The following HS3ST5 variants were observed in gnomAD, a reference collection of about 807,000 sequenced individuals.
The protein encoded by HS3ST5 is heparan sulfate-glucosamine 3-sulfotransferase 5, also known as heparan sulfate glucosamine 3-O-sulfotransferase 5.
In HS3ST5, 10 loss-of-function variants were observed where a neutral mutation model predicts 25.4. That is an observed-to-expected ratio of 0.39 (90% CI 0.24 to 0.67). HS3ST5 has a LOEUF of 0.67. HS3ST5 is among the 30% of genes least tolerant of loss of function. The pLI, the probability that HS3ST5 is intolerant of heterozygous loss-of-function variation, is 0.44. For synonymous variants in HS3ST5, 170 were observed against 162.4 expected (o/e 1.05, Z -0.36); for missense variants, 324 against 420.7 (o/e 0.77, Z 2.01).
At chr6:114,112,289 C>T (rs1444923607) in intron 3 of HS3ST5, 1 of 152,210 alleles carries the variant, frequency 6.6e-6, no homozygotes, top group Non-Finnish European at 1.5e-5. Context: ...TCATGGGAGG[C>T]AGAGGAGGGA....
At chr6:114,119,612 A>G (rs1314116110) in intron 3 of HS3ST5, among the ~76,000 whole-genome samples, 1 of 152,218 alleles carries the variant, frequency 6.6e-6, no homozygotes, top group Non-Finnish European at 1.5e-5. Flanking sequence ...TAGAGAAGAG[A>G]TATTTGTGAT....
intron 1 of HS3ST5, among the ~76,000 whole-genome samples, chr6:114,295,617 C>A (rs1774783906): frequency 6.6e-6 from 1 of 152,188 alleles, no homozygotes; most frequent in Admixed American, 6.5e-5. Flanking sequence ...GACCACAAAT[C>A]TCCTAATATC....
At chr6:114,236,424 T>A (rs1348926324) in intron 1 of HS3ST5, among the ~76,000 whole-genome samples, 1 of 152,246 alleles carries the variant, frequency 6.6e-6, no homozygotes, top group East Asian at 1.9e-4. Flanking sequence ...AATATCCTCA[T>A]ACTTATATGT....
chr6:114,058,090 C>T lies in HS3ST5; in HGVS notation c.208G>A (p.Glu70Lys), dbSNP rs1582548226. ...TTGGAAGCGTTGCCCTTCCGGAACT[C>T]GTGCAGCAGGCCACGCTTAAACTGC... is the stretch of plus-strand genomic sequence containing the variant. Reference protein sequence around the residue: ...ALQFKRGLLHEFRKGNASKEQ... With the variant: ...ALQFKRGLLHKFRKGNASKEQ... The change falls in exon 5 of 5, where the codon GAG (glutamate) becomes AAG (lysine). Residue 70 changes from glutamate (E) to lysine (K), a missense_variant. Around this residue, in one of 2 missense-constraint regions of HS3ST5, gnomAD observed 121 missense variants for 117.3 expected, o/e 1.03. Coordinates refer to ENST00000312719, the MANE Select transcript of HS3ST5 (RefSeq NM_153612.4). 4 of 1,614,194 alleles carry T rather than the reference C, an allele frequency of 2.5e-6. No individual in the cohort carries two copies. Among genetic ancestry groups the T allele is most frequent in the Non-Finnish European group, 3.4e-6 (4 of 1,180,034 alleles).
At chr6:114,194,150 C>T (rs1371718705) in intron 2 of HS3ST5, among the ~76,000 whole-genome samples, 3 of 152,118 alleles carry the variant, frequency 2.0e-5, no homozygotes, top group Non-Finnish European at 4.4e-5. Flanking sequence ...GAAATCAATC[C>T]TCTAATTTCA....
At chr6:114,268,191 AT>A (rs1364697722) in intron 1 of HS3ST5, among the ~76,000 whole-genome samples, 7 of 152,136 alleles carry the variant, frequency 4.6e-5, no homozygotes, top group Non-Finnish European at 1.5e-5. Flanking sequence ...CATTGCCACC[AT>A]TTGTGCAGTT....
intron 3 of HS3ST5, among the ~76,000 whole-genome samples, chr6:114,086,013 T>G (rs1774796723): frequency 6.6e-6 from 1 of 150,492 alleles, no homozygotes; most frequent in Non-Finnish European, 1.5e-5. Flanking sequence ...AGATTTTATT[T>G]TGTTTTTGTT....
chr6:114,230,752 A>G (rs1771547519), intron 1 of HS3ST5, among the ~76,000 whole-genome samples: 1 of 149,324 alleles, frequency 6.7e-6, no homozygotes, highest in Non-Finnish European at 1.5e-5. Flanking sequence ...ACACCCTGCT[A>G]TTTTTTTTTG....
At chr6:114,238,629 G>A (rs1303142548) in intron 1 of HS3ST5, among the ~76,000 whole-genome samples, 1 of 152,100 alleles carries the variant, frequency 6.6e-6, no homozygotes, top group East Asian at 1.9e-4. Flanking sequence ...GAAGGTTTAA[G>A]AAAGTGTAAA....
intron 3 of HS3ST5, among the ~76,000 whole-genome samples, chr6:114,151,737 C>G (rs1778459378): frequency 6.6e-6 from 1 of 152,028 alleles, no homozygotes; most frequent in Non-Finnish European, 1.5e-5. Flanking sequence ...AGAAGACACT[C>G]CCAAATTATG....
rs1973729 is a variant in HS3ST5, at chr6:114,230,668, C to T, written c.-338-1890G>A. 3.5e-3 allele frequency among the ~76,000 whole-genome samples: 524 copies of T among 149,662 alleles called. 6 individuals are homozygous for T. The highest frequency in any genetic ancestry group is 0.012 in the African/African-American group (496 of 40,710). ...ATGGCATGATCTCGGCTCACTGCAACCCCCCATCTTCTGGGTTCAAGTGTT... is the reference window on the plus strand; with the variant it reads ...ATGGCATGATCTCGGCTCACTGCAATCCCCCATCTTCTGGGTTCAAGTGTT... On this transcript the variant is annotated intron_variant, in intron 1 of 4. Transcript: ENST00000312719.
intron 1 of HS3ST5, among the ~76,000 whole-genome samples, chr6:114,286,745 A>C (rs560645886): frequency 1.3e-5 from 2 of 152,094 alleles, no homozygotes; most frequent in East Asian, 3.9e-4. Context: ...GGTTCATTTT[A>C]CATTAGAACG....
chr6:114,131,225 G>A (rs192781863), intron 3 of HS3ST5: 3 of 151,960 alleles, frequency 2.0e-5, no homozygotes, highest in African/African-American at 7.2e-5. Context: ...GCAATCTAAT[G>A]CAAATATCTA....
chr6:114,280,886 G>T (rs1774076652), intron 1 of HS3ST5, among the ~76,000 whole-genome samples: 1 of 151,962 alleles, frequency 6.6e-6, no homozygotes, highest in Non-Finnish European at 1.5e-5. Context: ...AACTAACATT[G>T]CAATCTGTAA....
intron 1 of HS3ST5, among the ~76,000 whole-genome samples, chr6:114,282,952 G>A (rs948998872): frequency 1.3e-5 from 2 of 151,766 alleles, no homozygotes; most frequent in African/African-American, 2.4e-5. Flanking sequence ...ATATACTTTG[G>A]TAGTCAGAGT....
chr6:114,290,863 A>C (rs2114773899), intron 1 of HS3ST5, among the ~76,000 whole-genome samples: 1 of 152,204 alleles, frequency 6.6e-6, no homozygotes, highest in South Asian at 2.1e-4. Flanking sequence ...TCAGCCATTA[A>C]CCCTTGTGGG....
At chr6:114,196,479 T>G (rs768419854) in intron 2 of HS3ST5, among the ~76,000 whole-genome samples, 8 of 152,144 alleles carry the variant, frequency 5.3e-5, no homozygotes, top group Non-Finnish European at 1.0e-4. Flanking sequence ...TCTTTTAGCT[T>G]ACTTAATTTC....
intron 3 of HS3ST5, among the ~76,000 whole-genome samples, chr6:114,110,260 T>A (rs1043018885): frequency 2.0e-5 from 3 of 152,070 alleles, no homozygotes; most frequent in Non-Finnish European, 4.4e-5. Flanking sequence ...CTAGAGTCTA[T>A]ACATTATTTT....
intron 1 of HS3ST5, among the ~76,000 whole-genome samples, chr6:114,305,178 T>C (rs950516886): frequency 2.6e-5 from 4 of 152,112 alleles, no homozygotes; most frequent in African/African-American, 9.6e-5. Context: ...CTCCTAAATG[T>C]TGACATATGT....
Sources: gnomAD v4.1 joint callset for allele counts (sites outside exome capture counted in the v4.1 genomes callset) on GRCh38, gnomAD v4.1.1 for gene constraint, gnomAD v4.1.1 regional missense constraint, MANE v1.5 for transcripts, NCBI Gene and HGNC (gene_info 2026-07-23, HGNC 2026-07-21) for gene names.